Variants in PRKG1 observed in about 807,000 individuals in gnomAD.
PRKG1 encodes the protein protein kinase cGMP-dependent 1, also known as cGMP-dependent protein kinase 1.
PRKG1 carries 35 observed loss-of-function variants against 88.1 expected under a neutral mutation model. The ratio of observed to expected loss-of-function variants is 0.40; its 90% confidence interval spans 0.30 to 0.53. The LOEUF (loss-of-function observed/expected upper bound fraction) is 0.53, where lower values mean the gene tolerates loss of function less well. Ranked by LOEUF, PRKG1 falls within the 20% of genes least tolerant of loss-of-function variation. The probability of loss-of-function intolerance (pLI) is 0.59; values close to 1 mark genes in which losing one functional copy is unlikely to be tolerated. For synonymous variants in PRKG1, 303 were observed against 292.5 expected (o/e 1.04, Z -0.37); for missense variants, 540 against 839.8 (o/e 0.64, Z 4.41).
At chr10:52,204,319 C>T (rs1839757997) in intron 9 of PRKG1, among the ~76,000 whole-genome samples, 1 of 152,014 alleles carries the variant, frequency 6.6e-6, no homozygotes, top group African/African-American at 2.4e-5. Flanking sequence ...CTCCTGACCT[C>T]AGATGATCTG....
intron 2 of PRKG1, among the ~76,000 whole-genome samples, chr10:51,161,283 A>C (rs934326740): frequency 6.6e-6 from 1 of 152,154 alleles, no homozygotes; most frequent in African/African-American, 2.4e-5. Flanking sequence ...TACCATTAGA[A>C]AGTAATGGTA....
intron 2 of PRKG1, among the ~76,000 whole-genome samples, chr10:51,316,981 C>A (rs1841339367): frequency 6.6e-6 from 1 of 152,188 alleles, no homozygotes; most frequent in Non-Finnish European, 1.5e-5. Flanking sequence ...AATCTTCCCA[C>A]ACACAATCTG....
intron 5 of PRKG1, among the ~76,000 whole-genome samples, chr10:51,993,341 T>C: frequency 6.6e-6 from 1 of 152,098 alleles, no homozygotes; most frequent in African/African-American, 2.4e-5. Context: ...AAATATAGTC[T>C]GCCTGCCTCT....
At chr10:52,280,643 G>A (rs1841983747) in intron 12 of PRKG1, 146 bp from the exon 13 acceptor site, 2 of 808,670 alleles carry the variant, frequency 2.5e-6, no homozygotes, top group Admixed American at 2.8e-5. Flanking sequence ...CCAATGTAAT[G>A]GCAATCATGT....
At chr10:52,150,165 A>C in intron 8 of PRKG1, among the ~76,000 whole-genome samples, 1 of 117,728 alleles carries the variant, frequency 8.5e-6, no homozygotes, top group East Asian at 2.3e-4. Flanking sequence ...TAATAATAAT[A>C]ATAATAATAA....
intron 2 of PRKG1, among the ~76,000 whole-genome samples, chr10:51,386,764 A>G (rs1003866934): frequency 4.8e-4 from 73 of 152,198 alleles, no homozygotes; most frequent in African/African-American, 1.4e-3. Flanking sequence ...GACACATAAA[A>G]TTAATCATCA....
chr10:52,283,118 G>A (rs1368849771), intron 14 of PRKG1, among the ~76,000 whole-genome samples: 1 of 152,056 alleles, frequency 6.6e-6, no homozygotes, highest in Non-Finnish European at 1.5e-5. Flanking sequence ...TGCTGCACTT[G>A]AGTGTTTGGA....
At chr10:51,291,224 G>A (rs1229886096) in intron 2 of PRKG1, among the ~76,000 whole-genome samples, 1 of 152,158 alleles carries the variant, frequency 6.6e-6, no homozygotes, top group Middle Eastern at 3.2e-3. Context: ...GTTGGAGACA[G>A]ATGAAAGAAA....
intron 1 of PRKG1, among the ~76,000 whole-genome samples, chr10:51,020,168 A>G (rs967897179): frequency 6.6e-6 from 1 of 152,142 alleles, no homozygotes; most frequent in Non-Finnish European, 1.5e-5. Flanking sequence ...AATTATTTTT[A>G]TTTTTTATTT....
chr10:52,213,481 C>A (rs11819619), intron 9 of PRKG1, among the ~76,000 whole-genome samples: 1,971 of 152,264 alleles, frequency 0.013, 45 homozygotes, highest in African/African-American at 0.045. Context: ...AGGAAGAGTC[C>A]ATTTTAACAT....
At chr10:51,964,389 G>A (rs769339282) in intron 5 of PRKG1, among the ~76,000 whole-genome samples, 2 of 152,192 alleles carry the variant, frequency 1.3e-5, no homozygotes, top group Non-Finnish European at 2.9e-5. Context: ...TTTAATGACA[G>A]CATTGAATTA....
chr10:52,219,823 T>C (rs981878372), intron 9 of PRKG1, among the ~76,000 whole-genome samples: 1 of 152,220 alleles, frequency 6.6e-6, no homozygotes, highest in Non-Finnish European at 1.5e-5. Flanking sequence ...AACTATGCCA[T>C]AGGCCTTTAA....
chr10:51,153,899 G>A (rs559083789), intron 2 of PRKG1, among the ~76,000 whole-genome samples: 146 of 152,066 alleles, frequency 9.6e-4, no homozygotes, highest in African/African-American at 3.2e-3. Context: ...AAAAACTGAG[G>A]CACGCACTGT....
intron 2 of PRKG1, among the ~76,000 whole-genome samples, chr10:51,232,886 G>A (rs368781427): frequency 6.6e-6 from 1 of 152,122 alleles, no homozygotes; most frequent in Admixed American, 6.6e-5. Context: ...GCTATGATTA[G>A]TTAGTCAGGG....
chr10:51,007,888 A>T (rs1210529164), intron 1 of PRKG1, among the ~76,000 whole-genome samples: 1 of 152,242 alleles, frequency 6.6e-6, no homozygotes, highest in South Asian at 2.1e-4. Context: ...GGCATGAATT[A>T]ATTTGCTCTT....
intron 7 of PRKG1, among the ~76,000 whole-genome samples, chr10:52,110,871 T>C (rs1208710349): frequency 6.6e-6 from 1 of 152,116 alleles, no homozygotes; most frequent in African/African-American, 2.4e-5. Context: ...ATGGCCATCC[T>C]CTTAGGAAGG....
chr10:51,731,763 G>A (rs1223723602), intron 3 of PRKG1, among the ~76,000 whole-genome samples: 1 of 152,136 alleles, frequency 6.6e-6, no homozygotes, highest in East Asian at 1.9e-4. Context: ...AGTTTGTTAG[G>A]ACTGCCATAA....
intron 5 of PRKG1, among the ~76,000 whole-genome samples, chr10:52,022,991 C>A (rs568933885): frequency 6.6e-6 from 1 of 151,926 alleles, no homozygotes; most frequent in African/African-American, 2.4e-5. Flanking sequence ...TAGGTATACA[C>A]GTGCCAAGGT....
intron 1 of PRKG1, among the ~76,000 whole-genome samples, chr10:51,091,288 A>G (rs1174524461): frequency 2.0e-5 from 3 of 152,158 alleles, no homozygotes; most frequent in Non-Finnish European, 2.9e-5. Flanking sequence ...GTTTTTCACT[A>G]CATTTATAGA....
Sources: gnomAD v4.1 joint callset for allele counts (sites outside exome capture counted in the v4.1 genomes callset) on GRCh38, gnomAD v4.1.1 for gene constraint, MANE v1.5 for transcripts, NCBI Gene and HGNC (gene_info 2026-07-23, HGNC 2026-07-21) for gene names.